The following TASP1 variants were observed in gnomAD, a reference collection of about 807,000 sequenced individuals.
The protein encoded by TASP1 is threonine aspartase 1.
Under a neutral mutation model 56.6 loss-of-function variants are expected in TASP1, and 16 were observed. The observed-to-expected ratio is 0.28, with a 90% CI of 0.19 to 0.43. TASP1 has a LOEUF of 0.43. Among genes scored for constraint, TASP1 ranks in the 20% least tolerant of loss-of-function variants. TASP1 has a pLI of 1.00. For missense variants in TASP1, 393 were observed against 511.6 expected (o/e 0.77, Z 2.24); for synonymous variants, 179 against 184.2 (o/e 0.97, Z 0.23).
intron 4 of TASP1, among the ~76,000 whole-genome samples, chr20:13,609,644 C>T (rs1348615563): frequency 2.7e-5 from 4 of 146,570 alleles, no homozygotes; most frequent in African/African-American, 1.0e-4. Flanking sequence ...GCTGAGACGG[C>T]GCCATTGCTC....
the TASP1 span, among the ~76,000 whole-genome samples, chr20:13,359,926 C>G: frequency 0.11 from 17,102 of 151,918 alleles, 1,102 homozygotes; most frequent in Admixed American, 0.2. Flanking sequence ...AAAACCTAAT[C>G]ACCCTTACCC....
At chr20:13,573,272 T>C (rs746227115) in intron 6 of TASP1, among the ~76,000 whole-genome samples, 9 of 152,186 alleles carry the variant, frequency 5.9e-5, no homozygotes, top group African/African-American at 1.4e-4. Flanking sequence ...CCCCAAGGTA[T>C]TGGGATTGCA....
rs79970257 is a variant in TASP1 at position 13,465,911 on chromosome 20, G to T, written c.985+17316C>A. The stretch of plus-strand genomic sequence containing the variant: ...GAGGGATTCTTGTGATGATTAAGGG[G>T]TTCTGTATCATGACTTGTGGTGAAT... On this transcript the variant is annotated intron_variant, in intron 11 of 13. Transcript: ENST00000337743. Among the ~76,000 whole-genome samples, 1,272 of 152,198 alleles carry T rather than the reference G, an allele frequency of 8.4e-3. 15 individuals are homozygous for T. The highest frequency in any genetic ancestry group is 0.029 in the African/African-American group (1,209 of 41,532).
intron 8 of TASP1, among the ~76,000 whole-genome samples, chr20:13,549,640 A>G (rs1158819361): frequency 6.6e-6 from 1 of 152,082 alleles, no homozygotes; most frequent in African/African-American, 2.4e-5. Context: ...ATCTAAGCCA[A>G]TTTCCAGATA....
At chr20:13,474,745 T>C (rs1442282442) in intron 11 of TASP1, among the ~76,000 whole-genome samples, 1 of 152,216 alleles carries the variant, frequency 6.6e-6, no homozygotes, top group East Asian at 1.9e-4. Context: ...AATTCACATT[T>C]CTACCAGCAG....
the TASP1 span, among the ~76,000 whole-genome samples, chr20:13,146,378 C>T: frequency 7.2e-5 from 11 of 152,102 alleles, 1 homozygote; most frequent in Admixed American, 6.5e-4. Context: ...CCCCACGACA[C>T]GTGTTTACCT....
chr20:13,270,650 G>T, the TASP1 span: 2 of 1,613,942 alleles, frequency 1.2e-6, no homozygotes, highest in Admixed American at 3.3e-5. Context: ...ACCCTTCATT[G>T]CAAAGAGATT....
At chr20:13,309,757 T>C in the TASP1 span, among the ~76,000 whole-genome samples, 1 of 151,882 alleles carries the variant, frequency 6.6e-6, no homozygotes, top group Non-Finnish European at 1.5e-5. Context: ...AGTCATAGGA[T>C]ACAAAATTAA....
intron 13 of TASP1, among the ~76,000 whole-genome samples, chr20:13,404,374 G>A (rs566829408): frequency 7.2e-5 from 11 of 152,316 alleles, no homozygotes; most frequent in South Asian, 2.1e-4. Flanking sequence ...AGGCCGAGGC[G>A]GGAGTATTGC....
At chr20:13,473,465 A>G (rs912414449) in intron 11 of TASP1, among the ~76,000 whole-genome samples, 2 of 152,160 alleles carry the variant, frequency 1.3e-5, no homozygotes, top group African/African-American at 4.8e-5. Context: ...GTGCACATGT[A>G]CCCTAGAACT....
the TASP1 span, among the ~76,000 whole-genome samples, chr20:13,186,256 G>C: frequency 6.6e-6 from 1 of 152,104 alleles, no homozygotes; most frequent in African/African-American, 2.4e-5. Flanking sequence ...AGTAATCCTT[G>C]TTAAATATGT....
chr20:13,138,254 A>C, the TASP1 span, among the ~76,000 whole-genome samples: 21,618 of 152,164 alleles, frequency 0.14, 1,600 homozygotes, highest in East Asian at 0.2. Flanking sequence ...GGCTGAATAA[A>C]TGACCCATTC....
chr20:13,251,585 G>A, the TASP1 span, among the ~76,000 whole-genome samples: 3 of 152,212 alleles, frequency 2.0e-5, no homozygotes, highest in East Asian at 5.8e-4. Context: ...AAGGGGACCA[G>A]CGTGGTATGT....
In TASP1 at chr20:13,399,766, T is replaced by C. The variant is rs527510767; in HGVS notation, c.1171-9314A>G. Among the ~76,000 whole-genome samples the C allele has an allele frequency of 2.0e-5, 3 of 152,344 alleles. No homozygotes were observed. The East Asian group carries it at 5.8e-4, about 29-fold the overall frequency. ...TCAGTTCATATCATTCCACTGCTCA[T>C]TACTCCCCAGTGGCTCCCATTTCAG... On this transcript the variant is annotated intron_variant, in intron 13 of 13. Coordinates refer to ENST00000337743, the MANE Select transcript of TASP1 (RefSeq NM_017714.3).
the TASP1 span, among the ~76,000 whole-genome samples, chr20:13,222,297 G>A: frequency 6.6e-6 from 1 of 152,172 alleles, no homozygotes; most frequent in Non-Finnish European, 1.5e-5. Flanking sequence ...CTCGAGGCTG[G>A]AGGGACGCAA....
the TASP1 span, among the ~76,000 whole-genome samples, chr20:13,279,298 G>C: frequency 6.6e-6 from 1 of 152,190 alleles, no homozygotes; most frequent in Non-Finnish European, 1.5e-5. Context: ...ACATGGAGGA[G>C]AGACAAACTC....
the TASP1 span, among the ~76,000 whole-genome samples, chr20:13,367,784 C>G: frequency 9.9e-5 from 15 of 151,766 alleles, no homozygotes; most frequent in African/African-American, 3.6e-4. Flanking sequence ...TTTTTAAAGC[C>G]CAAGTTAGAA....
intron 11 of TASP1, among the ~76,000 whole-genome samples, chr20:13,440,714 T>G (rs1203981196): frequency 2.0e-5 from 3 of 151,242 alleles, no homozygotes; most frequent in Admixed American, 1.3e-4. Flanking sequence ...TATAATACAC[T>G]GAGAGAAGTT....
At chr20:13,588,293 G>GA (rs2047388152) in intron 4 of TASP1, among the ~76,000 whole-genome samples, 152 of 119,388 alleles carry the variant, frequency 1.3e-3, no homozygotes, top group Middle Eastern at 9.2e-3. Flanking sequence ...AAGGAAGGAA[G>GA]GAAGGAAGGA....
Sources: gnomAD v4.1 joint callset for allele counts (sites outside exome capture counted in the v4.1 genomes callset) on GRCh38, gnomAD v4.1.1 for gene constraint, MANE v1.5 for transcripts, NCBI Gene and HGNC (gene_info 2026-07-23, HGNC 2026-07-21) for gene names.